The following P4HA3 variants were observed in gnomAD, a reference collection of about 807,000 sequenced individuals.
P4HA3 encodes prolyl 4-hydroxylase subunit alpha-3.
P4HA3 carries 60 observed loss-of-function variants against 66.7 expected under a neutral mutation model. The ratio of observed to expected loss-of-function variants is 0.90; its 90% CI spans 0.73 to 1.12. The LOEUF (loss-of-function observed/expected upper bound fraction) is 1.12, where lower values mean the gene tolerates loss of function less well. P4HA3 is among the 50% of genes most tolerant of loss of function. P4HA3 has a pLI of 0.00. For missense variants in P4HA3, 683 were observed against 685.8 expected (o/e 1.00, Z 0.05); for synonymous variants, 263 against 274.6 (o/e 0.96, Z 0.42).
chr11:74,256,774 C>CA (rs1302621250), intron 15 of P4HA3, among the ~76,000 whole-genome samples: 16 of 152,142 alleles, frequency 1.1e-4, no homozygotes, highest in South Asian at 2.1e-4. Flanking sequence ...AACTCCTTCC[C>CA]AAAAAAGGAA....
At position 74,285,812 on chromosome 11, in the gene P4HA3, T is replaced by C; in HGVS notation, c.1107A>G (p.Pro369=). Reference sequence around the variant, plus strand: ...GGCGGGTTCTCAGGACACTCACCCATGGTTCTGCAAGTTCTCTAATTTTCT... The same window carrying C: ...GGCGGGTTCTCAGGACACTCACCCACGGTTCTGCAAGTTCTCTAATTTTCT... The part of the protein sequence containing the change: ...EAQKIRELAE[P]WLQRSVVASG... Residue 369 remains proline (P), a synonymous_variant, in exon 7 of 13, where the codon CCA becomes CCG. Coordinates refer to ENST00000331597, the MANE Select transcript of P4HA3 (RefSeq NM_182904.5). The C allele has an allele frequency of 1.9e-6, 3 of 1,613,562 alleles. No homozygotes were observed. Among genetic ancestry groups the C allele is most frequent in the Non-Finnish European group, 1.7e-6 (2 of 1,179,698 alleles).
At chr11:74,264,592 G>A (rs1859960833), downstream of P4HA3, among the ~76,000 whole-genome samples, 1 of 152,144 alleles carries the variant, frequency 6.6e-6, no homozygotes. Flanking sequence ...TCCCTCCCTA[G>A]TGCCAGCAAC....
At chr11:74,279,963 C>CA (rs1174682226) in intron 7 of P4HA3, among the ~76,000 whole-genome samples, 2 of 152,194 alleles carry the variant, frequency 1.3e-5, no homozygotes, top group African/African-American at 4.8e-5. Context: ...TACAGAGAAT[C>CA]AGAGTCTGTT....
chr11:74,265,267 G>C (rs2135699391), downstream of P4HA3, among the ~76,000 whole-genome samples: 1 of 152,304 alleles, frequency 6.6e-6, no homozygotes, highest in South Asian at 2.1e-4. Context: ...CAGGTTGTGA[G>C]TAGTGGCAGT....
chr11:74,284,549 A>G (rs1368984931), intron 7 of P4HA3, among the ~76,000 whole-genome samples: 18 of 152,184 alleles, frequency 1.2e-4, no homozygotes, highest in Admixed American at 1.1e-3. Flanking sequence ...TCATGATTGT[A>G]ATTTAATTAT....
chr11:74,255,565 C>T (rs1859812913), intron 15 of P4HA3, among the ~76,000 whole-genome samples: 1 of 152,156 alleles, frequency 6.6e-6, no homozygotes. Context: ...CCGTACCTAC[C>T]CCACAGGGTC....
intron 4 of P4HA3, among the ~76,000 whole-genome samples, chr11:74,297,538 C>A (rs1034564438): frequency 6.6e-6 from 1 of 152,174 alleles, no homozygotes; most frequent in Non-Finnish European, 1.5e-5. Context: ...GTTAGCTATA[C>A]AAAAGCTATA....
At position 74,267,227 on chromosome 11, in the gene P4HA3, C is replaced by T; in HGVS notation, c.*21G>A. ...TCTCTGGAAAGCCACAGGACTCCAC[C>T]AGCTTCTCTCTGCCAACAGTTCAGT... On this transcript the variant is annotated 3_prime_UTR_variant, in exon 13 of 13. Transcript: ENST00000331597. 6.2e-7 allele frequency: 1 copy of T among 1,614,100 alleles called. No individual in the cohort carries two copies. The highest frequency in any genetic ancestry group is 8.5e-7 in the Non-Finnish European group (1 of 1,180,030).
At position 74,292,623 on chromosome 11, in the gene P4HA3, C is replaced by T. The variant is rs189456335; in HGVS notation, c.718-3493G>A. On this transcript the variant is annotated intron_variant, in intron 4 of 12. Transcript: ENST00000331597. ...CCTCTACACACTGCTTTGAAGCTGT[C>T]CCAGAGATTCTGGTATGTTGTGTCT... Among the ~76,000 whole-genome samples, 766 of 152,192 alleles carry T rather than the reference C, an allele frequency of 5.0e-3. 8 individuals are homozygous for T. The highest frequency in any genetic ancestry group is 0.018 in the African/African-American group (740 of 41,514).
chr11:74,252,376 C>T (rs1054233282), intron 15 of P4HA3: 3 of 452,024 alleles, frequency 6.6e-6, no homozygotes, highest in Non-Finnish European at 1.3e-5. Context: ...GGATTATAGG[C>T]ACAAGCCACC....
intron 10 of P4HA3, 149 bp from the exon 11 acceptor site, chr11:74,269,869 G>A (rs999456957): frequency 2.5e-6 from 2 of 794,294 alleles, no homozygotes; most frequent in Non-Finnish European, 3.9e-6. Context: ...AACTCAGGAG[G>A]AACTTCGGGA....
chr11:74,270,313 A>T (rs1192638174), intron 10 of P4HA3, among the ~76,000 whole-genome samples: 5 of 152,072 alleles, frequency 3.3e-5, no homozygotes, highest in African/African-American at 1.2e-4. Context: ...TACTTATTAC[A>T]CCTTTGGCAT....
At chr11:74,285,690 T>G in intron 7 of P4HA3, 119 bp downstream of exon 7, 1 of 1,103,514 alleles carries the variant, frequency 9.1e-7, no homozygotes, top group Non-Finnish European at 1.3e-6. Context: ...ATGGTTGGCA[T>G]TCTGAACTCC....
chr11:74,265,776 G>C (rs1324254564), downstream of P4HA3, among the ~76,000 whole-genome samples: 2 of 152,172 alleles, frequency 1.3e-5, no homozygotes, highest in African/African-American at 4.8e-5. Context: ...GAAGAGCACA[G>C]AGCCTAGTGG....
At chr11:74,262,620 T>A (rs555875081), downstream of P4HA3, among the ~76,000 whole-genome samples, 1 of 152,288 alleles carries the variant, frequency 6.6e-6, no homozygotes, top group African/African-American at 2.4e-5. Context: ...ATGATAACTG[T>A]TGTGAATATG....
intron 1 of P4HA3, among the ~76,000 whole-genome samples, chr11:74,305,898 C>T (rs1046506827): frequency 6.6e-6 from 1 of 152,068 alleles, no homozygotes; most frequent in Non-Finnish European, 1.5e-5. Flanking sequence ...AAGAAAGACA[C>T]AAATAATTAC....
intron 4 of P4HA3, 117 bp from the exon 5 acceptor site, chr11:74,289,247 T>C (rs1252198157): frequency 1.1e-6 from 1 of 895,610 alleles, no homozygotes; most frequent in Non-Finnish European, 1.5e-6. Context: ...AAGTAGATAA[T>C]AAGGCTCACT....
chr11:74,281,022 A>C (rs1173728614), intron 7 of P4HA3, among the ~76,000 whole-genome samples: 1 of 152,102 alleles, frequency 6.6e-6, no homozygotes, highest in East Asian at 1.9e-4. Context: ...AACTCAAACA[A>C]ATTTACAAGA....
At chr11:74,264,041 C>T (rs1859951537), downstream of P4HA3, among the ~76,000 whole-genome samples, 1 of 152,204 alleles carries the variant, frequency 6.6e-6, no homozygotes, top group African/African-American at 2.4e-5. Flanking sequence ...TTTATCAGGA[C>T]TAGTCAGATT....
Sources: allele counts gnomAD v4.1 joint callset (sites outside exome capture counted in the v4.1 genomes callset), GRCh38; gene constraint gnomAD v4.1.1; transcripts MANE v1.5; gene names NCBI Gene and HGNC (gene_info 2026-07-23, HGNC 2026-07-21).